The following PVRIG variants were observed in gnomAD, a reference collection of about 807,000 sequenced individuals.
PVRIG encodes the protein PVR related immunoglobulin domain containing.
PVRIG carries 16 observed loss-of-function variants against 21.9 expected under a neutral mutation model. The observed-to-expected ratio is 0.73, with a 90% CI of 0.50 to 1.11. PVRIG has a LOEUF of 1.11. PVRIG is among the 50% of genes most tolerant of loss of function. PVRIG has a pLI of 0.00. For missense variants in PVRIG, 435 were observed against 445.7 expected, an observed-to-expected ratio of 0.98 and a Z score of 0.22; for synonymous variants, 190 against 181.0, an observed-to-expected ratio of 1.05 and a Z score of -0.40.
At chr7:100,221,403 A>G (rs890942317) in exon 6 of PVRIG, 3 of 587,368 alleles carry the variant, frequency 5.1e-6, no homozygotes, top group Middle Eastern at 2.8e-4. Context: ...GTGTGTGGGC[A>G]CAGGTGTGAG....
rs1404979872 is a variant in PVRIG at position 100,220,018 on chromosome 7, T to A, written c.108T>A (p.Cys36Ter). Residue 36 changes from cysteine to a stop codon, truncating the protein, a stop_gained, in exon 2 of 6, where the codon TGT (cysteine) becomes TGA (stop). Transcript: ENST00000317271. LOFTEE classifies it high-confidence loss of function. ...TGCCCTGGGTGCTGCTGACCTTGTG[T>A]GTCACTGCGGGTGAGTGCCGGCACC... 1 of 1,604,998 alleles carries A rather than the reference T, an allele frequency of 6.2e-7. No homozygotes were observed. The highest frequency in any genetic ancestry group is 2.2e-5 in the East Asian group (1 of 44,604).
intron 1 of PVRIG, chr7:100,219,649 G>C: frequency 1.8e-6 from 1 of 564,920 alleles, no homozygotes; most frequent in South Asian, 2.1e-5. Context: ...ACCCCTTGCT[G>C]TCCAGGGAAG....
chr7:100,219,507 T>C (rs1273104439), intron 1 of PVRIG: 2 of 282,322 alleles, frequency 7.1e-6, no homozygotes, highest in Admixed American at 1.0e-4. Flanking sequence ...CCACATCAGA[T>C]TGGTAGTGGG....
exon 4 of PVRIG, chr7:100,220,554 T>C (rs1220347699): frequency 1.2e-6 from 2 of 1,611,614 alleles, no homozygotes; most frequent in Non-Finnish European, 1.7e-6. Flanking sequence ...CAGGGCTCTC[T>C]GCCCCGCCGA....
At chr7:100,221,214 G>A (rs754063750) in exon 6 of PVRIG, 5 of 1,605,074 alleles carry the variant, frequency 3.1e-6, no homozygotes, top group Admixed American at 3.4e-5. Context: ...GACCCTCGGG[G>A]GCCCAGGGCC....
exon 2 of PVRIG, chr7:100,219,846 G>T: frequency 1.6e-6 from 2 of 1,288,288 alleles, no homozygotes; most frequent in Non-Finnish European, 2.2e-6. Context: ...ACCACCTCTG[G>T]GGAAGGTGTG....
At chr7:100,220,573 C>A (rs754899595) in exon 4 of PVRIG, 7 of 1,612,006 alleles carry the variant, frequency 4.3e-6, no homozygotes, top group Middle Eastern at 2.2e-4. Context: ...GACTCCTGCC[C>A]CCATTCTGCG....
chr7:100,220,101 T>C lies in PVRIG; in HGVS notation c.119-13T>C, dbSNP rs749204364. On this transcript the variant is annotated splice_polypyrimidine_tract_variant and intron_variant, in intron 2 of 5. Coordinates refer to ENST00000317271, the Ensembl canonical transcript of PVRIG. ...TAGGACAACAGCCCACCGACCTTGC[T>C]GCTGTTCCACAGGGACCCCGGAGGT... 6.2e-7 allele frequency: 1 copy of C among 1,602,782 alleles called. No homozygotes were observed. The highest frequency in any genetic ancestry group is 1.7e-5 in the Admixed American group (1 of 58,068).
At chr7:100,220,460 C>G (rs1803152763) in exon 3 of PVRIG, 2 of 1,611,170 alleles carry the variant, frequency 1.2e-6, no homozygotes, top group African/African-American at 2.7e-5. Context: ...CCAGCTCAGA[C>G]CCAGGTGGGG....
intron 1 of PVRIG, chr7:100,219,462 G>C (rs1803056906): frequency 4.5e-6 from 1 of 223,178 alleles, no homozygotes; most frequent in Admixed American, 5.3e-5. Flanking sequence ...TGGGGGTTGT[G>C]GGGGAGGCCT....
In PVRIG at chr7:100,220,530, C is replaced by G. The variant is rs371371365; in HGVS notation, c.470-17C>G. On this transcript the variant is annotated splice_polypyrimidine_tract_variant and intron_variant, in intron 3 of 5. Transcript: ENST00000317271. ...TCGGGAACTGGCCACCCATCTGATT[C>G]TTGTCTCCGTGCCCAGGGCTCTCTG... 2 of 1,611,248 alleles carry G rather than the reference C, an allele frequency of 1.2e-6. No homozygotes were observed. The highest frequency in any genetic ancestry group is 1.7e-6 in the Non-Finnish European group (2 of 1,179,110).
exon 6 of PVRIG, chr7:100,220,956 T>G: frequency 1.3e-6 from 2 of 1,585,330 alleles, no homozygotes; most frequent in Non-Finnish European, 1.7e-6. Context: ...CAGGCTGCTC[T>G]TCACGTCCCT....
rs776409577 is a variant in PVRIG, at chr7:100,220,473, G to A, written c.469+9G>A. On this transcript the variant is annotated intron_variant, in intron 3 of 5. Transcript: ENST00000317271. ...GCCCAGCTCAGACCCAGGTGGGGCCGGGGCGAGGGGTCCAGGAGGGCAGGG... is the reference window on the plus strand; with the variant it reads ...GCCCAGCTCAGACCCAGGTGGGGCCAGGGCGAGGGGTCCAGGAGGGCAGGG... 71 of 1,611,688 alleles carry A rather than the reference G, an allele frequency of 4.4e-5. No homozygotes were observed. The highest frequency in any genetic ancestry group is 8.9e-5 in the East Asian group (4 of 44,856).
exon 3 of PVRIG, chr7:100,220,192 G>A (rs780844517): frequency 1.2e-5 from 19 of 1,598,294 alleles, no homozygotes; most frequent in Admixed American, 3.5e-5. Context: ...GGGTTCCTGG[G>A]GTCTGGCTCC....
rs1563027326 is a variant in PVRIG, at chr7:100,220,527, A to AT, written c.470-18dup. Reference sequence around the variant, plus strand: ...GGCTCGGGAACTGGCCACCCATCTGATTCTTGTCTCCGTGCCCAGGGCTCT... The same window carrying AT: ...GGCTCGGGAACTGGCCACCCATCTGATTTCTTGTCTCCGTGCCCAGGGCTCT... On this transcript the variant is annotated intron_variant, in intron 3 of 5. Transcript: ENST00000317271. 1 of 1,611,118 alleles carries AT rather than the reference A, an allele frequency of 6.2e-7. No individual in the cohort carries two copies. The highest frequency in any genetic ancestry group is 1.7e-5 in the Admixed American group (1 of 59,894).
In PVRIG at chr7:100,220,472, C is replaced by A; in HGVS notation, c.469+8C>A. The stretch of plus-strand genomic sequence containing the variant: ...CGCCCAGCTCAGACCCAGGTGGGGC[C>A]GGGGCGAGGGGTCCAGGAGGGCAGG... On this transcript the variant is annotated splice_region_variant and intron_variant, in intron 3 of 5. Transcript: ENST00000317271. The A allele has an allele frequency of 3.1e-6, 5 of 1,611,802 alleles. No homozygotes were observed. The highest frequency in any genetic ancestry group is 1.1e-5 in the South Asian group (1 of 90,898).
exon 3 of PVRIG, chr7:100,220,189 T>G (rs1484519897): frequency 6.3e-7 from 1 of 1,598,720 alleles, no homozygotes; most frequent in Non-Finnish European, 8.5e-7. Flanking sequence ...TGTGGGTTCC[T>G]GGGGTCTGGC....
At position 100,220,465 on chromosome 7, in the gene PVRIG, G is replaced by A. The variant is rs761170274; in HGVS notation, c.469+1G>A. 1.2e-5 allele frequency: 20 copies of A among 1,611,658 alleles called. No homozygotes were observed. Among genetic ancestry groups the A allele is most frequent in the Middle Eastern group, 1.7e-4 (1 of 5,728 alleles). ...AGCCTCCCGCCCAGCTCAGACCCAG[G>A]TGGGGCCGGGGCGAGGGGTCCAGGA... On this transcript the variant is annotated splice_donor_variant, in intron 3 of 5. Coordinates refer to ENST00000317271, the Ensembl canonical transcript of PVRIG. LOFTEE classifies it high-confidence loss of function.
At chr7:100,220,596 C>G in exon 4 of PVRIG, 2 of 1,612,004 alleles carry the variant, frequency 1.2e-6, no homozygotes, top group Non-Finnish European at 1.7e-6. Context: ...CAGACCTGGC[C>G]GGGATCTTGG....
Sources: allele counts gnomAD v4.1 joint callset, GRCh38; gene constraint gnomAD v4.1.1; transcripts MANE v1.5; gene names NCBI Gene and HGNC (gene_info 2026-07-23, HGNC 2026-07-21).